Variants in SMIM27 observed in about 807,000 individuals in gnomAD.
SMIM27 encodes TOPORS antisense RNA 1 (non-protein coding).
SMIM27 carries 3 observed loss-of-function variants against 1.8 expected under a neutral mutation model. That is an observed-to-expected ratio of 1.65 (90% CI 0.75 to 4.28). The LOEUF (loss-of-function observed/expected upper bound fraction) is 4.28. Ranked by LOEUF, SMIM27 falls within the 30% of genes most tolerant of loss-of-function variation. The pLI is 0.02. For synonymous variants in SMIM27, 19 were observed against 13.9 expected (o/e 1.37, Z -0.82); for missense variants, 63 against 37.0 (o/e 1.70, Z -1.83).
chr9:32,558,467 TTAAGGTCAAA>T (rs1260030223), intron 1 of SMIM27, among the ~76,000 whole-genome samples: 6 of 152,192 alleles, frequency 3.9e-5, no homozygotes, highest in Admixed American at 3.9e-4. Flanking sequence ...GATGGAGAAC[TTAAGGTCAAA>T]TCTTGAAAAT....
downstream of SMIM27, chr9:32,554,083 A>C (rs1821385472): frequency 3.9e-6 from 2 of 519,182 alleles, no homozygotes; most frequent in Non-Finnish European, 3.5e-6. Context: ...CCCTAGACAA[A>C]GTAGAAGCTG....
chr9:32,559,717 T>A (rs1821574381), intron 1 of SMIM27, among the ~76,000 whole-genome samples: 1 of 152,166 alleles, frequency 6.6e-6, no homozygotes, highest in Admixed American at 6.5e-5. Flanking sequence ...GCAAGCCTTA[T>A]CATTCTCTAG....
At chr9:32,553,895 A>G (rs1027821103), downstream of SMIM27, 7 of 1,596,068 alleles carry the variant, frequency 4.4e-6, no homozygotes, top group Non-Finnish European at 6.0e-6. Context: ...TTGATCAGGA[A>G]ATTCTTTCAT....
intron 1 of SMIM27, chr9:32,566,238 T>C: frequency 1.0e-6 from 1 of 978,760 alleles, no homozygotes; most frequent in South Asian, 1.3e-5. Context: ...TGTGGGTGGT[T>C]TTCTTATGGC....
intron 1 of SMIM27, among the ~76,000 whole-genome samples, chr9:32,564,741 C>T (rs1160480820): frequency 1.3e-5 from 2 of 152,280 alleles, no homozygotes; most frequent in East Asian, 3.9e-4. Flanking sequence ...ATGATAGTAA[C>T]TCTGATAAAT....
At chr9:32,563,491 C>CTTTTTTTTTTTTTT (rs111646430) in intron 1 of SMIM27, among the ~76,000 whole-genome samples, 4,381 of 90,750 alleles carry the variant, frequency 0.048, 521 homozygotes, top group African/African-American at 0.065. Flanking sequence ...GACTATTGGG[C>CTTTTTTTTTTTTTT]TTTTTTTTTT....
chr9:32,566,043 GT>G (rs1283058090), intron 1 of SMIM27: 40 of 359,936 alleles, frequency 1.1e-4, no homozygotes, highest in Non-Finnish European at 1.6e-4. Context: ...ATTTTTTAAG[GT>G]TTTTTCCAGG....
upstream of SMIM27, chr9:32,551,911 A>G (rs983213893): frequency 2.9e-4 from 102 of 354,000 alleles, 1 homozygote; most frequent in Admixed American, 2.1e-3. Context: ...GTCACATATA[A>G]AAGAGTGGGT....
chr9:32,562,905 G>A (rs751498162), intron 1 of SMIM27, among the ~76,000 whole-genome samples: 2 of 152,156 alleles, frequency 1.3e-5, no homozygotes, highest in Non-Finnish European at 2.9e-5. Flanking sequence ...ATGCAATTAT[G>A]CCTATTAATG....
chr9:32,558,273 A>C (rs961690452), intron 1 of SMIM27, among the ~76,000 whole-genome samples: 1 of 151,936 alleles, frequency 6.6e-6, no homozygotes, highest in Non-Finnish European at 1.5e-5. Flanking sequence ...CACCACGCCC[A>C]GCTAATTTTT....
intron 1 of SMIM27, among the ~76,000 whole-genome samples, chr9:32,558,598 A>G (rs546608281): frequency 6.6e-6 from 1 of 152,346 alleles, no homozygotes; most frequent in Admixed American, 6.5e-5. Context: ...TTTACCCAAC[A>G]TGAAACAGGA....
upstream of SMIM27, chr9:32,552,135 A>C (rs1012610804): frequency 4.1e-5 from 24 of 580,496 alleles, no homozygotes; most frequent in Middle Eastern, 2.7e-4. Flanking sequence ...TTGCAACTAG[A>C]AAGAAAACCA....
chr9:32,566,590 G>A (rs1209178265), exon 2 of SMIM27: 6 of 784,312 alleles, frequency 7.7e-6, no homozygotes, highest in South Asian at 5.4e-5. Flanking sequence ...CACATGGAGC[G>A]GAGGACCCGC....
At chr9:32,558,180 C>T (rs574744594) in intron 1 of SMIM27, among the ~76,000 whole-genome samples, 181 of 145,300 alleles carry the variant, frequency 1.2e-3, no homozygotes, top group African/African-American at 1.5e-3. Flanking sequence ...GGCGCAACCT[C>T]GGCTCACTGC....
chr9:32,561,894 T>C (rs1821637562), intron 1 of SMIM27, among the ~76,000 whole-genome samples: 1 of 152,250 alleles, frequency 6.6e-6, no homozygotes, highest in Non-Finnish European at 1.5e-5. Flanking sequence ...TCTGCCCTGC[T>C]GTCAGAACTT....
intron 1 of SMIM27, among the ~76,000 whole-genome samples, chr9:32,564,809 A>G (rs1349833481): frequency 6.6e-6 from 1 of 152,232 alleles, no homozygotes; most frequent in African/African-American, 2.4e-5. Flanking sequence ...TTCTACACAG[A>G]AACACTTTCT....
chr9:32,552,886 A>G lies in SMIM27; in HGVS notation c.131A>G (p.Tyr44Cys). Residue 44 changes from tyrosine (Y) to cysteine (C), a missense_variant, in exon 2 of 2, where the codon TAC becomes TGC. Transcript: ENST00000692500. ...VSARRQLRKKYPDKIFGTNEN... is the reference protein window; with the variant it reads ...VSARRQLRKKCPDKIFGTNEN... ...GCAAGACGACAGCTAAGGAAGAAAT[A>G]CCCAGACAAAATCTTTGGGACGAAT... The G allele has an allele frequency of 1.4e-6, 1 of 702,744 alleles. No individual in the cohort carries two copies. Among genetic ancestry groups the G allele is most frequent in the Non-Finnish European group, 2.6e-6 (1 of 384,832 alleles). The allele number at this position is 702,744 out of a possible 1,614,324, so 43.5% of individuals were successfully genotyped here.
intron 1 of SMIM27, chr9:32,566,173 T>C (rs1284381092): frequency 8.3e-6 from 6 of 724,264 alleles, no homozygotes; most frequent in East Asian, 7.4e-5. Context: ...CACAGGCCAC[T>C]TCCTCTTCAA....
At position 32,558,822 on chromosome 9, in the gene SMIM27, C is replaced by T. The variant is rs1563992775; in HGVS notation, c.45+6343C>T. The T allele has an allele frequency of 2.5e-5, 23 of 917,734 alleles. 1 individual carries two copies. Among genetic ancestry groups the T allele is most frequent in the Non-Finnish European group, 8.2e-6 (5 of 612,274 alleles). The allele number at this position is 917,734 out of a possible 1,614,324, so 56.8% of individuals were successfully genotyped here. ...TAAACCGAAAGTGAGAAGGAAAGAACATTTTAATCTAATAATTGCTTGGAA... is the reference window on the plus strand; with the variant it reads ...TAAACCGAAAGTGAGAAGGAAAGAATATTTTAATCTAATAATTGCTTGGAA... On this transcript the variant is annotated intron_variant, in intron 1 of 1. Coordinates refer to the SMIM27 transcript ENST00000451672.
Sources: allele counts gnomAD v4.1 joint callset (sites outside exome capture counted in the v4.1 genomes callset), GRCh38; gene constraint gnomAD v4.1.1; transcripts MANE v1.5; gene names NCBI Gene and HGNC (gene_info 2026-07-23, HGNC 2026-07-21).